Variants in NRG3 observed in about 807,000 individuals in gnomAD.
The protein encoded by NRG3 is neuregulin 3, also known as pro-neuregulin-3, membrane-bound isoform.
In NRG3, 31 loss-of-function variants were observed where a neutral mutation model predicts 66.9. The observed-to-expected ratio is 0.46, with a 90% CI of 0.35 to 0.63. The LOEUF is 0.63. NRG3 is among the 20% of genes least tolerant of loss of function. The probability of loss-of-function intolerance (pLI) is 0.00; values close to 1 mark genes in which losing one functional copy is unlikely to be tolerated. For synonymous variants in NRG3, 393 were observed against 359.4 expected (o/e 1.09, Z -1.06); for missense variants, 910 against 878.9 (o/e 1.04, Z -0.45).
intron 2 of NRG3, among the ~76,000 whole-genome samples, chr10:82,597,959 C>T (rs900471859): frequency 2.6e-5 from 4 of 151,776 alleles, no homozygotes; most frequent in Non-Finnish European, 2.9e-5. Flanking sequence ...AATCTATGAC[C>T]GTGACCTTAC....
chr10:82,421,545 C>A (rs745381428), intron 2 of NRG3, among the ~76,000 whole-genome samples: 1 of 152,116 alleles, frequency 6.6e-6, no homozygotes, highest in African/African-American at 2.4e-5. Context: ...TCACCCCCAG[C>A]AGATGTAGGG....
chr10:82,092,025 G>C (rs1315411518), intron 1 of NRG3, among the ~76,000 whole-genome samples: 3 of 152,094 alleles, frequency 2.0e-5, no homozygotes, highest in African/African-American at 7.2e-5. Flanking sequence ...ACAATTTAGT[G>C]AAGAAAAAAT....
intron 2 of NRG3, among the ~76,000 whole-genome samples, chr10:82,364,994 C>T (rs1379004320): frequency 6.6e-6 from 1 of 152,158 alleles, no homozygotes; most frequent in Admixed American, 6.5e-5. Context: ...GACTGGCTGT[C>T]TCTGAGTAGG....
intron 4 of NRG3, among the ~76,000 whole-genome samples, chr10:82,871,926 G>A (rs140091483): frequency 0.011 from 1,666 of 151,498 alleles, 12 homozygotes; most frequent in Middle Eastern, 0.024. Flanking sequence ...TATTTAATTC[G>A]CTACAACTTC....
At chr10:82,930,129 T>C (rs1248193653) in intron 4 of NRG3, among the ~76,000 whole-genome samples, 1 of 152,140 alleles carries the variant, frequency 6.6e-6, no homozygotes, top group Non-Finnish European at 1.5e-5. Context: ...GGTAATAACA[T>C]GTGTGAGTAG....
chr10:82,023,923 T>A (rs73310535), intron 1 of NRG3, among the ~76,000 whole-genome samples: 11,376 of 152,118 alleles, frequency 0.075, 1,046 homozygotes, highest in African/African-American at 0.21. Flanking sequence ...TAAGTAGAAT[T>A]GTTATTGCTT....
At chr10:82,733,028 T>C (rs35302339) in intron 2 of NRG3, among the ~76,000 whole-genome samples, 5,198 of 152,298 alleles carry the variant, frequency 0.034, 120 homozygotes, top group Non-Finnish European at 0.05. Context: ...TTTTTTTCCC[T>C]ATGAATAAAA....
At chr10:82,161,795 A>G (rs1450953100) in intron 1 of NRG3, among the ~76,000 whole-genome samples, 2 of 152,066 alleles carry the variant, frequency 1.3e-5, no homozygotes. Context: ...AATTACCCCT[A>G]TTTGACAGAT....
intron 1 of NRG3, among the ~76,000 whole-genome samples, chr10:82,328,745 C>T (rs886111554): frequency 6.6e-6 from 1 of 152,096 alleles, no homozygotes; most frequent in Non-Finnish European, 1.5e-5. Flanking sequence ...CATCTTCACT[C>T]AATAAAACCA....
chr10:82,785,580 G>T (rs1388577427), intron 3 of NRG3, among the ~76,000 whole-genome samples: 2 of 152,032 alleles, frequency 1.3e-5, no homozygotes, highest in African/African-American at 4.8e-5. Context: ...AAGTTGCAAA[G>T]AATATGGTGG....
chr10:81,972,344 A>G lies in NRG3; in HGVS notation c.823+96181A>G, dbSNP rs1443424301. Among the ~76,000 whole-genome samples, 6 of 152,318 alleles carry G rather than the reference A, an allele frequency of 3.9e-5. No homozygotes were observed. In the East Asian group the frequency reaches 1.2e-3, roughly 29 times the overall value. On this transcript the variant is annotated intron_variant, in intron 1 of 8. Coordinates refer to ENST00000372141, the MANE Select transcript of NRG3 (RefSeq NM_001010848.4). ...GCAAAAAAGTGGGGAAATATGATCC[A>G]TATTGAGACAAAACATGCATCAAGA...
At chr10:82,661,821 G>A (rs2052385920) in intron 2 of NRG3, among the ~76,000 whole-genome samples, 1 of 152,226 alleles carries the variant, frequency 6.6e-6, no homozygotes, top group Non-Finnish European at 1.5e-5. Flanking sequence ...TCAAATGTTT[G>A]TTTGGATAAA....
chr10:82,143,887 G>C (rs1649969), intron 1 of NRG3, among the ~76,000 whole-genome samples: 81,186 of 151,710 alleles, frequency 0.54, 23,345 homozygotes, highest in Non-Finnish European at 0.66. Context: ...AAAATTAGCA[G>C]GGCATGGTGG....
chr10:82,287,237 A>G (rs1282131644), intron 1 of NRG3, among the ~76,000 whole-genome samples: 1 of 151,826 alleles, frequency 6.6e-6, no homozygotes, highest in African/African-American at 2.4e-5. Flanking sequence ...GTAAGTTCTC[A>G]TGGGATCTGG....
At chr10:82,767,219 C>A (rs1003206913) in intron 3 of NRG3, among the ~76,000 whole-genome samples, 6 of 152,040 alleles carry the variant, frequency 3.9e-5, no homozygotes, top group Admixed American at 2.6e-4. Flanking sequence ...TCTCCTGGAG[C>A]ACCCATCTAT....
At chr10:82,942,784 C>G (rs1848685460) in intron 4 of NRG3, among the ~76,000 whole-genome samples, 1 of 152,018 alleles carries the variant, frequency 6.6e-6, no homozygotes, top group Non-Finnish European at 1.5e-5. Context: ...TTGTCTTTAC[C>G]AAGAAAATGG....
In NRG3 at chr10:81,997,814, G is replaced by A. The variant is rs116467464; in HGVS notation, c.823+121651G>A. Among the ~76,000 whole-genome samples, 882 of 151,420 alleles carry A rather than the reference G, an allele frequency of 5.8e-3. 7 individuals carry two copies. Among genetic ancestry groups the A allele is most frequent in the African/African-American group, 0.013 (542 of 41,262 alleles). On this transcript the variant is annotated intron_variant, in intron 1 of 8. Transcript: ENST00000372141. Reference sequence around the variant, plus strand: ...GTACGTAATGTCTCCCTAGCTGTGGGGTCCCTCATATTTGTCTATATGTCT... The same window carrying A: ...GTACGTAATGTCTCCCTAGCTGTGGAGTCCCTCATATTTGTCTATATGTCT...
intron 1 of NRG3, among the ~76,000 whole-genome samples, chr10:81,992,580 T>G (rs571654535): frequency 6.6e-6 from 1 of 152,356 alleles, no homozygotes; most frequent in African/African-American, 2.4e-5. Context: ...TTTCTTTGCA[T>G]TATTGCAAAT....
chr10:82,539,656 T>G (rs1299259883), intron 2 of NRG3, among the ~76,000 whole-genome samples: 1 of 152,058 alleles, frequency 6.6e-6, no homozygotes, highest in Non-Finnish European at 1.5e-5. Flanking sequence ...TTGTTTTTAA[T>G]GGAGTCTCGC....
Sources: gnomAD v4.1 joint callset for allele counts (sites outside exome capture counted in the v4.1 genomes callset) on GRCh38, gnomAD v4.1.1 for gene constraint, MANE v1.5 for transcripts, NCBI Gene and HGNC (gene_info 2026-07-23, HGNC 2026-07-21) for gene names.